The following SBF2 variants were observed in gnomAD, a reference collection of about 807,000 sequenced individuals.
The protein encoded by SBF2 is myotubularin-related protein 13.
A neutral mutation model predicts 225.2 loss-of-function variants in SBF2; 112 were observed. That is an observed-to-expected ratio of 0.50 (90% CI 0.43 to 0.58). The LOEUF (loss-of-function observed/expected upper bound fraction) is 0.58, where lower values mean the gene tolerates loss of function less well. SBF2 is among the 20% of genes least tolerant of loss of function. The probability of loss-of-function intolerance (pLI) is 0.00; values close to 1 mark genes in which losing one functional copy is unlikely to be tolerated. For missense variants in SBF2, 1,996 were observed against 2,206.2 expected (o/e 0.90, Z 1.91); for synonymous variants, 763 against 773.3 (o/e 0.99, Z 0.22).
At chr11:10,072,024 A>G (rs1383327257) in intron 2 of SBF2, among the ~76,000 whole-genome samples, 1 of 152,196 alleles carries the variant, frequency 6.6e-6, no homozygotes, top group Non-Finnish European at 1.5e-5. Flanking sequence ...ATCATTATTA[A>G]TTGCTTTATG....
intron 36 of SBF2, among the ~76,000 whole-genome samples, chr11:9,785,897 C>G (rs1852341544): frequency 6.6e-6 from 1 of 151,916 alleles, no homozygotes; most frequent in South Asian, 2.1e-4. Flanking sequence ...GACAGGGTCT[C>G]ACTCTATCGC....
chr11:9,891,679 G>T (rs1163187663), intron 17 of SBF2, among the ~76,000 whole-genome samples: 1 of 152,172 alleles, frequency 6.6e-6, no homozygotes, highest in East Asian at 1.9e-4. Context: ...GGCTGTTAAG[G>T]TACCACCTTC....
At chr11:10,287,748 G>A (rs954545382) in intron 1 of SBF2, among the ~76,000 whole-genome samples, 1 of 152,184 alleles carries the variant, frequency 6.6e-6, no homozygotes, top group African/African-American at 2.4e-5. Flanking sequence ...TGTGGCTGGT[G>A]GCACCTCTGC....
chr11:10,144,682 T>C (rs1954808202), intron 2 of SBF2, among the ~76,000 whole-genome samples: 1 of 152,222 alleles, frequency 6.6e-6, no homozygotes, highest in Non-Finnish European at 1.5e-5. Flanking sequence ...TGAGATGATG[T>C]AAAAGAAAGC....
intron 17 of SBF2, among the ~76,000 whole-genome samples, chr11:9,879,210 G>A (rs536055611): frequency 6.6e-6 from 1 of 152,240 alleles, no homozygotes; most frequent in South Asian, 2.1e-4. Flanking sequence ...TAATACAAAG[G>A]AAACAGTGCC....
chr11:10,071,836 G>C (rs1344633878), intron 2 of SBF2, among the ~76,000 whole-genome samples: 5 of 152,112 alleles, frequency 3.3e-5, no homozygotes, highest in Non-Finnish European at 2.9e-5. Context: ...TTGCATCTCA[G>C]GGATGAAGCT....
chr11:9,972,940 T>C (rs948094388), intron 13 of SBF2, among the ~76,000 whole-genome samples: 2 of 152,264 alleles, frequency 1.3e-5, no homozygotes, highest in African/African-American at 4.8e-5. Context: ...ATATAGATAT[T>C]CTACACCAAA....
chr11:10,181,450 A>G (rs997540666), intron 2 of SBF2, among the ~76,000 whole-genome samples: 1 of 151,968 alleles, frequency 6.6e-6, no homozygotes, highest in African/African-American at 2.4e-5. Context: ...TTTTGAAGTG[A>G]TTTTTCTAAA....
intron 32 of SBF2, among the ~76,000 whole-genome samples, chr11:9,797,567 C>T (rs183157591): frequency 2.0e-5 from 3 of 152,192 alleles, no homozygotes; most frequent in African/African-American, 7.2e-5. Context: ...GTGCCATACT[C>T]CAGGTTTGTA....
rs779676883 is a variant in SBF2 at position 10,042,967 on chromosome 11, G to C, written c.156C>G (p.Gly52=). 1.2e-6 allele frequency: 2 copies of C among 1,613,502 alleles called. No homozygotes were observed. Among genetic ancestry groups the C allele is most frequent in the Non-Finnish European group, 1.7e-6 (2 of 1,179,712 alleles). ...TCCTCTCTCTGGACAGCTGCCACCC[G>C]CCAGGCTGACAAAACTAAATGAAAT... ...PQGIELFCQP[G]GWQLSRERKQ... is the part of the protein sequence containing the mutation. Residue 52 remains glycine (G), a synonymous_variant, in exon 3 of 40, where the codon GGC becomes GGG. Transcript: ENST00000256190.
chr11:10,254,939 A>T (rs991740398), intron 1 of SBF2, among the ~76,000 whole-genome samples: 25 of 114,006 alleles, frequency 2.2e-4, no homozygotes, highest in African/African-American at 7.2e-4. Context: ...AAAAAAAAAA[A>T]TCCTATTATT....
chr11:10,117,233 G>T (rs942154969), intron 2 of SBF2, among the ~76,000 whole-genome samples: 12 of 152,046 alleles, frequency 7.9e-5, no homozygotes, highest in African/African-American at 2.9e-4. Context: ...TTGAGGTTAG[G>T]AGTTCGAGAC....
chr11:9,988,204 A>G (rs1947276472), intron 13 of SBF2, among the ~76,000 whole-genome samples: 2 of 152,226 alleles, frequency 1.3e-5, no homozygotes, highest in South Asian at 2.1e-4. Context: ...ATAATTGGTT[A>G]GCCACATGTA....
At chr11:10,165,388 T>G (rs988653114) in intron 2 of SBF2, among the ~76,000 whole-genome samples, 1 of 152,150 alleles carries the variant, frequency 6.6e-6, no homozygotes, top group African/African-American at 2.4e-5. Flanking sequence ...CATGCCCTAA[T>G]AGCAATACAG....
At chr11:9,869,757 C>T (rs2134044406) in intron 17 of SBF2, among the ~76,000 whole-genome samples, 1 of 152,224 alleles carries the variant, frequency 6.6e-6, no homozygotes, top group African/African-American at 2.4e-5. Flanking sequence ...ACTGAATAGG[C>T]AAAAACTGGA....
In SBF2 at chr11:9,983,304, G is replaced by A. The variant is rs377101290; in HGVS notation, c.1395+6193C>T. 6.0e-4 allele frequency among the ~76,000 whole-genome samples: 92 copies of A among 152,200 alleles called. 1 individual carries two copies. In the East Asian group the frequency reaches 0.013, roughly 21 times the overall value. ...GAGCTGGGTGAGGCCTGTGACTGCC[G>A]GCTTTCCCCCACTTTCCTGACAACT... is the stretch of plus-strand genomic sequence containing the variant. On this transcript the variant is annotated intron_variant, in intron 13 of 39. Transcript: ENST00000256190.
At chr11:9,976,176 C>T (rs11042577) in intron 13 of SBF2, among the ~76,000 whole-genome samples, 127 of 150,360 alleles carry the variant, frequency 8.4e-4, no homozygotes, top group African/African-American at 2.9e-3. Context: ...CAGGTTCAAG[C>T]GATTCTCCTG....
In SBF2 at chr11:10,143,880, G is replaced by A. The variant is rs1053769628; in HGVS notation, c.141+50022C>T. Among the ~76,000 whole-genome samples, 40 of 152,114 alleles carry A rather than the reference G, an allele frequency of 2.6e-4. No individual in the cohort carries two copies. The East Asian group carries it at 7.6e-3, about 29-fold the overall frequency. On this transcript the variant is annotated intron_variant, in intron 2 of 39. Coordinates refer to ENST00000256190, the MANE Select transcript of SBF2 (RefSeq NM_030962.4). ...CTACAGGCACTCGCTACCGCGCCCG[G>A]CTAATTTTTTTTGTATTTTTAGTAG... is the stretch of plus-strand genomic sequence containing the variant.
chr11:10,042,767 A>C, intron 3 of SBF2, 77 bp downstream of exon 3: 2 of 1,513,728 alleles, frequency 1.3e-6, no homozygotes, highest in Non-Finnish European at 1.8e-6. Context: ...TGCAGTTGTA[A>C]CAAAAATATG....
Sources: gnomAD v4.1 joint callset for allele counts (sites outside exome capture counted in the v4.1 genomes callset) on GRCh38, gnomAD v4.1.1 for gene constraint, MANE v1.5 for transcripts, NCBI Gene and HGNC (gene_info 2026-07-23, HGNC 2026-07-21) for gene names.